The following MMP26 variants were observed in gnomAD, a reference collection of about 807,000 sequenced individuals.
MMP26 encodes the protein matrix metalloproteinase-26.
Under a neutral mutation model 31.0 loss-of-function variants are expected in MMP26, and 33 were observed. The observed-to-expected ratio is 1.06, with a 90% CI of 0.81 to 1.42. MMP26 has a LOEUF of 1.42. Among genes scored for constraint, MMP26 ranks in the 40% most tolerant of loss-of-function variants. The pLI, the probability that MMP26 is intolerant of heterozygous loss-of-function variation, is 0.00. For synonymous variants in MMP26, 122 were observed against 114.9 expected (o/e 1.06, Z -0.40); for missense variants, 347 against 316.1 (o/e 1.10, Z -0.74).
At chr11:4,781,080 T>C (rs966677397) in intron 2 of MMP26, among the ~76,000 whole-genome samples, 2 of 151,996 alleles carry the variant, frequency 1.3e-5, no homozygotes, top group Non-Finnish European at 2.9e-5. Flanking sequence ...AAGATTAAAG[T>C]ATAGGAGTTT....
chr11:4,799,441 A>G (rs534415088), intron 2 of MMP26, among the ~76,000 whole-genome samples: 3 of 152,270 alleles, frequency 2.0e-5, no homozygotes, highest in East Asian at 1.9e-4. Flanking sequence ...ACTCATCACC[A>G]AGGAGATAGT....
intron 2 of MMP26, among the ~76,000 whole-genome samples, chr11:4,773,992 G>A (rs1410035085): frequency 6.6e-6 from 1 of 152,080 alleles, no homozygotes; most frequent in Non-Finnish European, 1.5e-5. Context: ...TAACTGCATA[G>A]TACTCCATGG....
chr11:4,848,188 A>G, intron 2 of MMP26: 1 of 1,535,962 alleles, frequency 6.5e-7, no homozygotes, highest in Non-Finnish European at 8.7e-7. Context: ...TCTCACAGAA[A>G]CTTTAGTATC....
rs368686622 is a variant in MMP26, at chr11:4,722,987, C to G, written c.-217+17942C>G. ...GTTCTGCATCCCAGACTCCAGCCGG[C>G]TCTCCTCGCCATCCAGCAGCTTCCT... On this transcript the variant is annotated intron_variant, in intron 1 of 7. Coordinates refer to ENST00000380390, the MANE Select transcript of MMP26 (RefSeq NM_021801.5). 151 of 845,958 alleles carry G rather than the reference C, an allele frequency of 1.8e-4. No homozygotes were observed. In the African/African-American group the frequency reaches 2.2e-3, roughly 12 times the overall value. The allele number at this position is 845,958 out of a possible 1,614,324, so 52.4% of individuals were successfully genotyped here. A position where few individuals can be genotyped will look rare whatever the true frequency, so the allele number is the denominator to read the frequency against.
Position 4,989,686 on chromosome 11 carries a change from G to A in MMP26, c.138G>A (p.Ser46=), listed in dbSNP as rs755146432. 17 of 1,613,226 alleles carry A rather than the reference G, an allele frequency of 1.1e-5. No homozygotes were observed. In the African/African-American group the frequency reaches 1.5e-4, roughly 14 times the overall value. The change falls in exon 4 of 8, where the codon TCG becomes TCA. Residue 46 remains serine, a synonymous_variant. Transcript: ENST00000380390. ...AATTTTTCCTGACCAAGAAGGAGTC[G>A]CCACTCCTTACCCAGGAGACACAAA... ...FHQFFLTKKE[S]PLLTQETQTQ...
chr11:4,795,699 C>T (rs1024090497), intron 2 of MMP26, among the ~76,000 whole-genome samples: 3 of 152,078 alleles, frequency 2.0e-5, no homozygotes, highest in Non-Finnish European at 4.4e-5. Context: ...AAGTCAATTA[C>T]ATCTAAAAAA....
chr11:4,843,306 T>C (rs1413374436), intron 2 of MMP26, among the ~76,000 whole-genome samples: 1 of 152,216 alleles, frequency 6.6e-6, no homozygotes, highest in Non-Finnish European at 1.5e-5. Context: ...ACTGCCTTAG[T>C]AGAAGTTCTC....
At position 4,848,873 on chromosome 11, in the gene MMP26, G is replaced by A. The variant is rs779036228; in HGVS notation, c.-145+81532G>A. ...AGGACTCCATGACAGAAAAGACATG[G>A]ATAAAAACCATCTGTAGAAGGCAGG... On this transcript the variant is annotated intron_variant, in intron 2 of 7. Transcript: ENST00000380390. The A allele has an allele frequency of 4.3e-6, 7 of 1,614,192 alleles. No individual in the cohort carries two copies. In the South Asian group the frequency reaches 6.6e-5, roughly 15 times the overall value.
intron 2 of MMP26, chr11:4,848,850 G>A (rs1436946011): frequency 9.3e-6 from 15 of 1,614,160 alleles, no homozygotes; most frequent in Non-Finnish European, 1.3e-5. Flanking sequence ...CAAGACAGAG[G>A]ACTCCATGAC....
intron 2 of MMP26, among the ~76,000 whole-genome samples, chr11:4,873,875 G>A (rs867802207): frequency 2.4e-4 from 36 of 152,082 alleles, no homozygotes; most frequent in African/African-American, 7.7e-4. Flanking sequence ...ATAGAGCTAA[G>A]ATTCAAACCC....
chr11:4,778,402 G>T (rs969440107), intron 2 of MMP26, among the ~76,000 whole-genome samples: 1 of 151,868 alleles, frequency 6.6e-6, no homozygotes, highest in African/African-American at 2.4e-5. Flanking sequence ...ACATTCTCTT[G>T]TTATTGCATT....
chr11:4,751,322 G>A (rs553606013), intron 1 of MMP26, among the ~76,000 whole-genome samples: 1 of 152,200 alleles, frequency 6.6e-6, no homozygotes, highest in East Asian at 1.9e-4. Context: ...ACACAGGTGT[G>A]CACACATATA....
intron 2 of MMP26, among the ~76,000 whole-genome samples, chr11:4,866,275 T>C (rs1850233199): frequency 6.6e-6 from 1 of 152,168 alleles, no homozygotes; most frequent in Non-Finnish European, 1.5e-5. Context: ...TTTGAGAAGA[T>C]AAATTTCAGT....
At chr11:4,780,673 A>G (rs1386742894) in intron 2 of MMP26, among the ~76,000 whole-genome samples, 1 of 152,154 alleles carries the variant, frequency 6.6e-6, no homozygotes, top group African/African-American at 2.4e-5. Context: ...ATAAAGCTAA[A>G]CATGCAGTTA....
rs528871993 is a variant in MMP26, at chr11:4,895,082, A to G, written c.-144-92986A>G. ...AAAAAGGGACTAATGCATTTTCCCCAAGTACAGTACCTTATGTAGAAAGTT... is the reference window on the plus strand; with the variant it reads ...AAAAAGGGACTAATGCATTTTCCCCGAGTACAGTACCTTATGTAGAAAGTT... On this transcript the variant is annotated intron_variant, in intron 2 of 7. Coordinates refer to ENST00000380390, the MANE Select transcript of MMP26 (RefSeq NM_021801.5). 2.6e-5 allele frequency among the ~76,000 whole-genome samples: 4 copies of G among 152,282 alleles called. No homozygotes were observed. In the South Asian group the frequency reaches 8.3e-4, roughly 32 times the overall value.
chr11:4,723,184 G>A, intron 1 of MMP26: 1 of 1,587,530 alleles, frequency 6.3e-7, no homozygotes. Context: ...CATCTGCGAT[G>A]GCGGCCTCCA....
intron 2 of MMP26, among the ~76,000 whole-genome samples, chr11:4,870,117 A>G (rs1317836102): frequency 1.3e-5 from 2 of 152,132 alleles, no homozygotes; most frequent in Non-Finnish European, 2.9e-5. Context: ...GATATACCTA[A>G]TGTAAATGAC....
chr11:4,986,896 T>C (rs1846898551), intron 2 of MMP26, among the ~76,000 whole-genome samples: 1 of 142,504 alleles, frequency 7.0e-6, no homozygotes, highest in Admixed American at 7.0e-5. Flanking sequence ...ACTTCCTTCC[T>C]TCCTTCCTTT....
At chr11:4,725,167 C>A (rs1007750157) in intron 1 of MMP26, among the ~76,000 whole-genome samples, 1 of 152,188 alleles carries the variant, frequency 6.6e-6, no homozygotes, top group African/African-American at 2.4e-5. Flanking sequence ...GCCTGCCCAG[C>A]ACCATGCTTC....
Sources: allele counts gnomAD v4.1 joint callset (sites outside exome capture counted in the v4.1 genomes callset), GRCh38; gene constraint gnomAD v4.1.1; transcripts MANE v1.5; gene names NCBI Gene and HGNC (gene_info 2026-07-23, HGNC 2026-07-21).